ACSS3: variants seen among roughly 807,000 people sequenced by gnomAD.
ACSS3 encodes the protein acyl-CoA synthetase short chain family member 3, also known as acyl-CoA synthetase short-chain family member 3, mitochondrial.
ACSS3 carries 64 observed loss-of-function variants against 84.2 expected under a neutral mutation model. The ratio of observed to expected loss-of-function variants is 0.76; its 90% CI spans 0.62 to 0.94. The LOEUF (loss-of-function observed/expected upper bound fraction) is 0.94, where lower values mean the gene tolerates loss of function less well. Ranked by LOEUF, ACSS3 falls within the 40% of genes least tolerant of loss-of-function variation. The probability of loss-of-function intolerance (pLI) is 0.00; values close to 1 mark genes in which losing one functional copy is unlikely to be tolerated. For missense variants in ACSS3, 815 were observed against 867.6 expected (o/e 0.94, Z 0.76); for synonymous variants, 317 against 310.1 (o/e 1.02, Z -0.23).
At chr12:81,162,818 AG>A (rs1887220020) in intron 7 of ACSS3, among the ~76,000 whole-genome samples, 1 of 152,138 alleles carries the variant, frequency 6.6e-6, no homozygotes, top group African/African-American at 2.4e-5. Context: ...CCAAGGAGGT[AG>A]GGGGCTGGCA....
chr12:81,137,610 C>G (rs1343977289), intron 3 of ACSS3, among the ~76,000 whole-genome samples: 2 of 152,070 alleles, frequency 1.3e-5, no homozygotes, highest in African/African-American at 4.8e-5. Flanking sequence ...AGTCTAGACT[C>G]AATAAGATCT....
chr12:81,176,875 T>A (rs925594312), intron 8 of ACSS3, among the ~76,000 whole-genome samples: 2 of 152,046 alleles, frequency 1.3e-5, no homozygotes, highest in Admixed American at 6.6e-5. Context: ...AAAAAGAACT[T>A]TAGGCCAGTA....
At chr12:81,215,232 CT>C (rs2032864222) in intron 9 of ACSS3, among the ~76,000 whole-genome samples, 1 of 152,158 alleles carries the variant, frequency 6.6e-6, no homozygotes, top group Non-Finnish European at 1.5e-5. Context: ...ACCTTCCCCC[CT>C]GCCCCCCACC....
chr12:81,230,161 G>A (rs2033409793), intron 11 of ACSS3, among the ~76,000 whole-genome samples: 1 of 151,812 alleles, frequency 6.6e-6, no homozygotes, highest in Admixed American at 6.6e-5. Flanking sequence ...GTAAATGTGG[G>A]AGTGTAGGTT....
chr12:81,089,704 G>A (rs1220720046), intron 1 of ACSS3, among the ~76,000 whole-genome samples: 2 of 151,886 alleles, frequency 1.3e-5, no homozygotes, highest in Non-Finnish European at 2.9e-5. Context: ...TAATGATAAT[G>A]GTGATAGTAA....
intron 1 of ACSS3, among the ~76,000 whole-genome samples, chr12:81,104,491 T>C (rs1435192404): frequency 3.3e-5 from 5 of 152,210 alleles, no homozygotes; most frequent in Middle Eastern, 3.4e-3. Flanking sequence ...GCCCCAGACA[T>C]TGCCTCCTCC....
chr12:81,160,523 A>G (rs1887097958), intron 7 of ACSS3, among the ~76,000 whole-genome samples: 1 of 152,154 alleles, frequency 6.6e-6, no homozygotes, highest in African/African-American at 2.4e-5. Flanking sequence ...GCCTTTATGT[A>G]CCTATATGAC....
At chr12:81,248,448 C>G (rs1333389288) in intron 13 of ACSS3, among the ~76,000 whole-genome samples, 1 of 151,908 alleles carries the variant, frequency 6.6e-6, no homozygotes, top group East Asian at 1.9e-4. Flanking sequence ...GTGAAAGGAT[C>G]CAGGCACAGA....
intron 8 of ACSS3, among the ~76,000 whole-genome samples, chr12:81,189,702 C>G (rs921587525): frequency 6.6e-6 from 1 of 151,954 alleles, no homozygotes; most frequent in African/African-American, 2.4e-5. Flanking sequence ...AAAGATGTGC[C>G]TTCTTATCAA....
intron 13 of ACSS3, among the ~76,000 whole-genome samples, chr12:81,234,975 T>A (rs2033583172): frequency 6.6e-6 from 1 of 151,406 alleles, no homozygotes; most frequent in Non-Finnish European, 1.5e-5. Flanking sequence ...AATGCTTTCC[T>A]AACTCAGCAT....
chr12:81,168,637 G>A (rs2135803283), intron 7 of ACSS3, among the ~76,000 whole-genome samples: 1 of 152,286 alleles, frequency 6.6e-6, no homozygotes, highest in Admixed American at 6.5e-5. Context: ...TACTCAGGGT[G>A]CTATGTCCTA....
At chr12:81,248,783 C>T (rs1337560083) in intron 13 of ACSS3, among the ~76,000 whole-genome samples, 1 of 151,912 alleles carries the variant, frequency 6.6e-6, no homozygotes, top group Non-Finnish European at 1.5e-5. Context: ...TTGATCATTA[C>T]ACACTCTATG....
intron 7 of ACSS3, among the ~76,000 whole-genome samples, chr12:81,153,355 C>A (rs1477215364): frequency 6.7e-6 from 1 of 149,592 alleles, no homozygotes; most frequent in Non-Finnish European, 1.5e-5. Context: ...TTGCAGTGAG[C>A]TGAGATCATG....
chr12:81,196,752 A>G lies in ACSS3; in HGVS notation c.1251-2589A>G, dbSNP rs948733209. Reference sequence around the variant, plus strand: ...GGTGGAAGGCTCAAGGAGAGCAGGCATCTCACATAGCGAGAGAGGAAGCAA... The same window carrying G: ...GGTGGAAGGCTCAAGGAGAGCAGGCGTCTCACATAGCGAGAGAGGAAGCAA... On this transcript the variant is annotated intron_variant, in intron 8 of 15. Transcript: ENST00000548058. Among the ~76,000 whole-genome samples the G allele has an allele frequency of 4.6e-5, 7 of 152,232 alleles. No homozygotes were observed. In the South Asian group the frequency reaches 1.5e-3, roughly 32 times the overall value.
chr12:81,078,399 G>A lies in ACSS3; in HGVS notation c.279G>A (p.Thr93=), dbSNP rs540422865. 6.2e-7 allele frequency: 1 copy of A among 1,612,628 alleles called. No homozygotes were observed. The highest frequency in any genetic ancestry group is 1.3e-5 in the African/African-American group (1 of 74,972). Residue 93 remains threonine (T), a synonymous_variant, in exon 1 of 16, where the codon ACG becomes ACA. Coordinates refer to ENST00000548058, the MANE Select transcript of ACSS3 (RefSeq NM_024560.4). The part of the protein sequence containing the change: ...QISWYKPWTK[T]LENKHSPSTR... ...GCTGGTACAAGCCCTGGACCAAAACGCTGGAGAACAAACACTCGCCCTCTA... is the reference window on the plus strand; with the variant it reads ...GCTGGTACAAGCCCTGGACCAAAACACTGGAGAACAAACACTCGCCCTCTA...
At chr12:81,248,304 A>G (rs1209876981) in intron 13 of ACSS3, among the ~76,000 whole-genome samples, 1 of 152,066 alleles carries the variant, frequency 6.6e-6, no homozygotes, top group Admixed American at 6.6e-5. Flanking sequence ...GAATCAACCT[A>G]AGCGATCATC....
Position 81,213,927 on chromosome 12 carries a change from TCC to T in ACSS3, c.1355-2973_1355-2972del, listed in dbSNP as rs1229390312. Among the ~76,000 whole-genome samples the T allele has an allele frequency of 2.1e-4, 21 of 97,800 alleles. 1 individual carries two copies. The highest frequency in any genetic ancestry group is 6.9e-4 in the African/African-American group (16 of 23,114). 64.2% of individuals were successfully genotyped at this position (97,800 alleles called of 152,430 possible). ...GTCCTTCCTTCCTTCCTTCCTTCCTTCCTTCCTTTCTCTCTCTCTCTCCCTCT... is the reference window on the plus strand; with the variant it reads ...GTCCTTCCTTCCTTCCTTCCTTCCTTTTCCTTTCTCTCTCTCTCTCCCTCT... On this transcript the variant is annotated intron_variant, in intron 9 of 15. Transcript: ENST00000548058.
chr12:81,097,293 TCTG>T (rs1257333422), intron 1 of ACSS3, among the ~76,000 whole-genome samples: 1 of 152,194 alleles, frequency 6.6e-6, no homozygotes, highest in Non-Finnish European at 1.5e-5. Context: ...ATCTCTCAGT[TCTG>T]CTGTTGTAGA....
At position 81,151,887 on chromosome 12, in the gene ACSS3, G is replaced by A; in HGVS notation, c.965G>A (p.Trp322Ter). 1 of 1,613,832 alleles carries A rather than the reference G, an allele frequency of 6.2e-7. No individual in the cohort carries two copies. Among genetic ancestry groups the A allele is most frequent in the Non-Finnish European group, 8.5e-7 (1 of 1,179,864 alleles). Residue 322 changes from tryptophan (W) to a stop codon, truncating the protein, a stop_gained, in exon 6 of 16, where the codon TGG (tryptophan) becomes TAG (stop). Coordinates refer to ENST00000548058, the MANE Select transcript of ACSS3 (RefSeq NM_024560.4). LOFTEE classifies it high-confidence loss of function. ...PTGGYAVMLH[W>*]SMSSIYGLQP... ...GGGGGATACGCTGTCATGCTACACTGGTCAATGTCTTCCATATACGGACTT... is the reference window on the plus strand; with the variant it reads ...GGGGGATACGCTGTCATGCTACACTAGTCAATGTCTTCCATATACGGACTT...
Sources: allele counts gnomAD v4.1 joint callset (sites outside exome capture counted in the v4.1 genomes callset), GRCh38; gene constraint gnomAD v4.1.1; transcripts MANE v1.5; gene names NCBI Gene and HGNC (gene_info 2026-07-23, HGNC 2026-07-21).